Variants in CNTNAP4 observed in about 807,000 individuals in gnomAD.
CNTNAP4 encodes contactin associated protein family member 4, also known as contactin-associated protein-like 4.
A neutral mutation model predicts 148.4 loss-of-function variants in CNTNAP4; 98 were observed. That is an observed-to-expected ratio of 0.66 (90% CI 0.56 to 0.78). The LOEUF is 0.78. Among genes scored for constraint, CNTNAP4 ranks in the 30% least tolerant of loss-of-function variants. The pLI is 0.00. For synonymous variants in CNTNAP4, 730 were observed against 565.1 expected, an observed-to-expected ratio of 1.29 and a Z score of -4.14; for missense variants, 1,935 against 1,565.6, an observed-to-expected ratio of 1.24 and a Z score of -3.98.
At chr16:76,534,547 G>C (rs1303590902) in intron 17 of CNTNAP4, among the ~76,000 whole-genome samples, 1 of 152,100 alleles carries the variant, frequency 6.6e-6, no homozygotes, top group Non-Finnish European at 1.5e-5. Flanking sequence ...ATTAACTTAA[G>C]AGTATTCCTG....
intron 3 of CNTNAP4, among the ~76,000 whole-genome samples, chr16:76,423,375 C>A (rs1204399555): frequency 6.6e-6 from 1 of 152,056 alleles, no homozygotes; most frequent in Non-Finnish European, 1.5e-5. Flanking sequence ...TCAGGACCCT[C>A]CCCACAAATT....
At chr16:76,356,832 G>T (rs941701275) in intron 3 of CNTNAP4, among the ~76,000 whole-genome samples, 1 of 151,882 alleles carries the variant, frequency 6.6e-6, no homozygotes, top group African/African-American at 2.4e-5. Flanking sequence ...TTGAAGAAAT[G>T]GACTGTGATT....
At chr16:76,429,292 A>T (rs745957292) in intron 4 of CNTNAP4, among the ~76,000 whole-genome samples, 1 of 152,204 alleles carries the variant, frequency 6.6e-6, no homozygotes, top group Non-Finnish European at 1.5e-5. Context: ...AGCTCATGCC[A>T]CATGATGGAC....
intron 15 of CNTNAP4, among the ~76,000 whole-genome samples, chr16:76,499,865 C>T (rs529124815): frequency 1.7e-4 from 26 of 152,138 alleles, no homozygotes; most frequent in Non-Finnish European, 3.5e-4. Flanking sequence ...TCAGAGAGCA[C>T]GGGGTTGGGG....
At chr16:76,550,552 A>G (rs942847661) in intron 21 of CNTNAP4, among the ~76,000 whole-genome samples, 2 of 152,174 alleles carry the variant, frequency 1.3e-5, no homozygotes, top group African/African-American at 4.8e-5. Flanking sequence ...TTAAAGGCCT[A>G]TGGAAATTTT....
chr16:76,426,146 G>A (rs2079391113), intron 3 of CNTNAP4, among the ~76,000 whole-genome samples: 1 of 152,132 alleles, frequency 6.6e-6, no homozygotes, highest in Non-Finnish European at 1.5e-5. Context: ...AGTGGGGGCA[G>A]AAGGTAGGGG....
chr16:76,489,080 T>A (rs909520395), intron 12 of CNTNAP4, among the ~76,000 whole-genome samples: 1 of 152,154 alleles, frequency 6.6e-6, no homozygotes, highest in African/African-American at 2.4e-5. Flanking sequence ...AGATGCACAC[T>A]CATAATTAAA....
intron 12 of CNTNAP4, among the ~76,000 whole-genome samples, chr16:76,484,646 G>A (rs1235435805): frequency 6.6e-6 from 1 of 152,156 alleles, no homozygotes; most frequent in African/African-American, 2.4e-5. Flanking sequence ...TGCAAATAAG[G>A]AAACCAAGGC....
chr16:76,292,401 C>A (rs982397058), intron 1 of CNTNAP4, among the ~76,000 whole-genome samples: 4 of 152,016 alleles, frequency 2.6e-5, no homozygotes, highest in African/African-American at 9.7e-5. Flanking sequence ...GCATCTGTCA[C>A]CCTCCAGGAA....
chr16:76,441,259 G>T (rs1597549976), intron 4 of CNTNAP4, among the ~76,000 whole-genome samples: 1 of 151,964 alleles, frequency 6.6e-6, no homozygotes, highest in East Asian at 1.9e-4. Context: ...TGTCTTCCAC[G>T]GTATTCACAG....
chr16:76,278,933 A>G (rs1450588839), intron 1 of CNTNAP4, among the ~76,000 whole-genome samples: 1 of 152,212 alleles, frequency 6.6e-6, no homozygotes, highest in African/African-American at 2.4e-5. Context: ...TTAATGTCAC[A>G]GGGTATCCAT....
rs1258482221 is a variant in CNTNAP4 at position 76,461,958 on chromosome 16, G to A, written c.1336G>A (p.Val446Ile). 5.6e-6 allele frequency: 9 copies of A among 1,613,392 alleles called. No individual in the cohort carries two copies. Among genetic ancestry groups the A allele is most frequent in the Non-Finnish European group, 7.6e-6 (9 of 1,179,596 alleles). Reference sequence around the variant, plus strand: ...TCTAACTGATTTCATCTCCCTAGGTGTCGAATTAAATGATGGGCAGTGGCA... The same window carrying A: ...TCTAACTGATTTCATCTCCCTAGGTATCGAATTAAATGATGGGCAGTGGCA... ...GKLPSDITAG[V>I]ELNDGQWHSV... The change falls in exon 9 of 24, where the codon GTC (valine) becomes ATC (isoleucine). Residue 446 changes from valine to isoleucine, a missense_variant and splice_region_variant. By Grantham distance (29) the Val-to-Ile change is conservative. Transcript: ENST00000611870.
chr16:76,379,574 G>A (rs1030710914), intron 3 of CNTNAP4, among the ~76,000 whole-genome samples: 1 of 152,092 alleles, frequency 6.6e-6, no homozygotes, highest in African/African-American at 2.4e-5. Flanking sequence ...TGCAGCCGGA[G>A]GTCACGTCCT....
At chr16:76,457,656 A>G (rs561771487) in intron 8 of CNTNAP4, among the ~76,000 whole-genome samples, 73 of 152,332 alleles carry the variant, frequency 4.8e-4, no homozygotes, top group African/African-American at 1.7e-3. Context: ...GCTCAGTGAA[A>G]TACTTTTAAC....
At chr16:76,557,499 A>C (rs977905971) in intron 23 of CNTNAP4, 2 of 152,194 alleles carry the variant, frequency 1.3e-5, no homozygotes, top group Admixed American at 6.5e-5. Flanking sequence ...AAAATGTTAG[A>C]AAGTCTTGCA....
chr16:76,302,193 A>G (rs982706070), intron 1 of CNTNAP4, among the ~76,000 whole-genome samples: 2 of 152,190 alleles, frequency 1.3e-5, no homozygotes, highest in African/African-American at 4.8e-5. Context: ...AGAAAAAGGA[A>G]AAATAAAAAA....
chr16:76,466,859 CAGTT>C (rs1355647585), intron 9 of CNTNAP4, among the ~76,000 whole-genome samples: 2 of 151,966 alleles, frequency 1.3e-5, no homozygotes, highest in Non-Finnish European at 2.9e-5. Flanking sequence ...ATTAGATAAA[CAGTT>C]GGTAATTTTA....
intron 10 of CNTNAP4, among the ~76,000 whole-genome samples, chr16:76,475,506 G>A (rs1320412288): frequency 6.6e-6 from 1 of 152,116 alleles, no homozygotes; most frequent in Non-Finnish European, 1.5e-5. Context: ...TACATTCCTA[G>A]AAGTATACCT....
At chr16:76,521,464 G>A (rs950728705) in intron 16 of CNTNAP4, among the ~76,000 whole-genome samples, 154 bp downstream of exon 16, 2 of 152,066 alleles carry the variant, frequency 1.3e-5, no homozygotes, top group Middle Eastern at 3.2e-3. Context: ...TATCCTGTTT[G>A]TAAGAAAATA....
Sources: gnomAD v4.1 joint callset for allele counts (sites outside exome capture counted in the v4.1 genomes callset) on GRCh38, gnomAD v4.1.1 for gene constraint, MANE v1.5 for transcripts, NCBI Gene and HGNC (gene_info 2026-07-23, HGNC 2026-07-21) for gene names.